The following ADGRL3 variants were observed in gnomAD, a reference collection of about 807,000 sequenced individuals.
ADGRL3 encodes the protein adhesion G protein-coupled receptor L3.
In ADGRL3, 62 loss-of-function variants were observed where a neutral mutation model predicts 153.5. The ratio of observed to expected loss-of-function variants is 0.40; its 90% CI spans 0.33 to 0.50. The LOEUF (loss-of-function observed/expected upper bound fraction) is 0.50. ADGRL3 is among the 20% of genes least tolerant of loss of function. The probability of loss-of-function intolerance (pLI) is 0.47; values close to 1 mark genes in which losing one functional copy is unlikely to be tolerated. For missense variants in ADGRL3, 1,641 were observed against 1,859.4 expected, an observed-to-expected ratio of 0.88 and a Z score of 2.16; for synonymous variants, 710 against 672.5, an observed-to-expected ratio of 1.06 and a Z score of -0.86.
chr4:61,457,118 CATT>C (rs1488034094), intron 2 of ADGRL3, among the ~76,000 whole-genome samples: 4 of 151,640 alleles, frequency 2.6e-5, no homozygotes, highest in Non-Finnish European at 4.4e-5. Context: ...TGACTATTTC[CATT>C]ATGTTTTTTA....
intron 6 of ADGRL3, among the ~76,000 whole-genome samples, chr4:61,715,717 T>A (rs980785305): frequency 8.5e-5 from 13 of 152,078 alleles, no homozygotes; most frequent in Non-Finnish European, 1.9e-4. Flanking sequence ...TCTGGTTTGA[T>A]AAACATTTAT....
At chr4:61,271,197 A>G (rs4860406) in intron 1 of ADGRL3, among the ~76,000 whole-genome samples, 66,481 of 151,530 alleles carry the variant, frequency 0.44, 15,003 homozygotes, top group South Asian at 0.61. Context: ...TGAAATTTAT[A>G]TGTCTTGTAA....
chr4:62,037,830 C>A lies in ADGRL3; in HGVS notation c.3691C>A (p.Pro1231Thr). 2 of 1,613,724 alleles carry A rather than the reference C, an allele frequency of 1.2e-6. No individual in the cohort carries two copies. Among genetic ancestry groups the A allele is most frequent in the Non-Finnish European group, 1.7e-6 (2 of 1,179,748 alleles). Residue 1231 changes from proline (P) to threonine (T), a missense_variant, in exon 24 of 27, where the codon CCT becomes ACT. Around this residue, in one of 5 missense-constraint regions of ADGRL3, gnomAD observed 517 missense variants for 555.0 expected, o/e 0.93. Transcript: ENST00000683033. ...GSGKTSGSRT[P>T]GRYSTGSQSR... ...AGGGAAAACATCTGGTTCTCGAACT[C>A]CTGGACGCTACTCCACAGGCTCACA... is the stretch of plus-strand genomic sequence containing the variant.
At chr4:61,362,007 T>G (rs2096290449) in intron 1 of ADGRL3, among the ~76,000 whole-genome samples, 1 of 149,258 alleles carries the variant, frequency 6.7e-6, no homozygotes, top group Admixed American at 6.7e-5. Context: ...AATACATATA[T>G]TTTTTAATAA....
At position 61,948,114 on chromosome 4, in the gene ADGRL3, T is replaced by A; in HGVS notation, c.2643T>A (p.Asn881Lys). 6.2e-7 allele frequency: 1 copy of A among 1,611,450 alleles called. No homozygotes were observed. The highest frequency in any genetic ancestry group is 1.1e-5 in the South Asian group (1 of 90,804). ...TVKHIKQSEE[N>K]FNPNCSFWSY... ...TTCCCCTGTAGCAGTCAGAGGAAAA[T>A]TTCAACCCTAACTGTTCATTTTGGA... Residue 881 changes from asparagine (N) to lysine (K), a missense_variant, in exon 17 of 27, where the codon AAT (asparagine) becomes AAA (lysine). This residue lies in a region of ADGRL3 where 734 missense variants were observed against 797.0 expected (regional missense o/e 0.92). Coordinates refer to ENST00000683033, the MANE Select transcript of ADGRL3 (RefSeq NM_001387552.1).
intron 1 of ADGRL3, among the ~76,000 whole-genome samples, chr4:61,369,049 G>A (rs1010946214): frequency 5.3e-5 from 8 of 152,096 alleles, no homozygotes; most frequent in African/African-American, 1.7e-4. Context: ...TTGGTGTATA[G>A]GAATGCTTGT....
intron 1 of ADGRL3, among the ~76,000 whole-genome samples, chr4:61,251,337 C>T (rs1270982295): frequency 2.0e-5 from 3 of 152,184 alleles, no homozygotes; most frequent in African/African-American, 7.2e-5. Flanking sequence ...GTGACCTGGA[C>T]TTCTCCCAGT....
chr4:61,995,799 G>A (rs934871813), intron 19 of ADGRL3, among the ~76,000 whole-genome samples: 1 of 152,100 alleles, frequency 6.6e-6, no homozygotes, highest in African/African-American at 2.4e-5. Flanking sequence ...AAATCTCAAA[G>A]GTTGGCTGCC....
intron 11 of ADGRL3, among the ~76,000 whole-genome samples, chr4:61,896,358 T>C (rs965188059): frequency 6.6e-6 from 1 of 152,150 alleles, no homozygotes; most frequent in African/African-American, 2.4e-5. Flanking sequence ...GGGCTTTGAA[T>C]TGATTTCATT....
At chr4:61,785,110 G>C (rs1013129272) in intron 8 of ADGRL3, among the ~76,000 whole-genome samples, 5 of 152,004 alleles carry the variant, frequency 3.3e-5, no homozygotes, top group African/African-American at 1.2e-4. Context: ...GGCTAGATAG[G>C]GGATAAATAA....
intron 9 of ADGRL3, among the ~76,000 whole-genome samples, chr4:61,834,467 A>G (rs1222514999): frequency 6.6e-6 from 1 of 152,208 alleles, no homozygotes; most frequent in Non-Finnish European, 1.5e-5. Context: ...TCCTTTGGGT[A>G]TACACCCAGT....
At chr4:61,353,615 T>TC in intron 1 of ADGRL3, among the ~76,000 whole-genome samples, 1 of 149,314 alleles carries the variant, frequency 6.7e-6, no homozygotes, top group Non-Finnish European at 1.5e-5. Flanking sequence ...TTTTTTTTTT[T>TC]TTTTTTGTAG....
intron 3 of ADGRL3, among the ~76,000 whole-genome samples, chr4:61,502,030 G>A (rs1038902774): frequency 1.3e-5 from 2 of 152,178 alleles, no homozygotes; most frequent in Non-Finnish European, 2.9e-5. Context: ...CAGATGGCCA[G>A]TTCTTTGCTC....
intron 4 of ADGRL3, among the ~76,000 whole-genome samples, chr4:61,545,963 A>G (rs2098712048): frequency 6.6e-6 from 1 of 152,202 alleles, no homozygotes; most frequent in African/African-American, 2.4e-5. Flanking sequence ...CTCTTAGTTT[A>G]ATCTAAGGAC....
chr4:61,971,591 T>A (rs1036155342), intron 17 of ADGRL3, among the ~76,000 whole-genome samples: 22 of 152,084 alleles, frequency 1.4e-4, no homozygotes, highest in African/African-American at 5.1e-4. Context: ...AAGTCTTTGC[T>A]ATTGTGAATA....
At chr4:61,898,202 G>A (rs2098642759) in intron 11 of ADGRL3, among the ~76,000 whole-genome samples, 1 of 152,006 alleles carries the variant, frequency 6.6e-6, no homozygotes, top group Admixed American at 6.6e-5. Flanking sequence ...GATGGAGGAG[G>A]GTAGAGAGTA....
chr4:61,502,465 G>A (rs1428229675), intron 3 of ADGRL3, among the ~76,000 whole-genome samples: 1 of 143,306 alleles, frequency 7.0e-6, no homozygotes, highest in Admixed American at 7.1e-5. Flanking sequence ...AAAAATGCTT[G>A]TAGAACCAGC....
At chr4:61,548,434 A>G (rs529563608) in intron 4 of ADGRL3, among the ~76,000 whole-genome samples, 1 of 152,184 alleles carries the variant, frequency 6.6e-6, no homozygotes, top group Admixed American at 6.5e-5. Flanking sequence ...TGAGCCTTTA[A>G]TCCATCTTTA....
At chr4:61,280,103 TTTTCTTTTTC>T (rs2093656446) in intron 1 of ADGRL3, among the ~76,000 whole-genome samples, 1 of 109,136 alleles carries the variant, frequency 9.2e-6, no homozygotes. Context: ...TTTTCTTTTC[TTTTCTTTTTC>T]TTTTTTTTTT....
Sources: gnomAD v4.1 joint callset for allele counts (sites outside exome capture counted in the v4.1 genomes callset) on GRCh38, gnomAD v4.1.1 for gene constraint, gnomAD v4.1.1 regional missense constraint, MANE v1.5 for transcripts, NCBI Gene and HGNC (gene_info 2026-07-23, HGNC 2026-07-21) for gene names.